Variants in PCDHA1 observed in about 807,000 individuals in gnomAD.
The protein encoded by PCDHA1 is protocadherin alpha 1.
Under a neutral mutation model 61.3 loss-of-function variants are expected in PCDHA1, and 42 were observed. That is an observed-to-expected ratio of 0.69 (90% confidence interval 0.54 to 0.89). The LOEUF (loss-of-function observed/expected upper bound fraction) is 0.89. Ranked by LOEUF, PCDHA1 falls within the 40% of genes least tolerant of loss-of-function variation. PCDHA1 has a pLI of 0.00. For missense variants in PCDHA1, 1,256 were observed against 1,235.3 expected, an observed-to-expected ratio of 1.02 and a Z score of -0.25; for synonymous variants, 610 against 553.8, an observed-to-expected ratio of 1.10 and a Z score of -1.43.
Position 141,009,656 on chromosome 5 carries a change from G to T in PCDHA1, c.2572G>T (p.Val858Phe). The T allele has an allele frequency of 6.2e-7, 1 of 1,614,000 alleles. No individual in the cohort carries two copies. The highest frequency in any genetic ancestry group is 8.5e-7 in the Non-Finnish European group (1 of 1,179,978). Residue 858 changes from valine (V) to phenylalanine (F), a missense_variant, in exon 4 of 4, where the codon GTC (valine) becomes TTC (phenylalanine). Physicochemically the swap from Val to Phe is conservative, Grantham distance 50. Coordinates refer to ENST00000504120, the MANE Select transcript of PCDHA1 (RefSeq NM_018900.4). The stretch of plus-strand genomic sequence containing the variant: ...AGAGGCAGGAGAAGTGTCCCCTCCA[G>T]TCGGTGCGGGTGTCAACAGCAACAG... Reference protein sequence around the residue: ...EPEAGEVSPPVGAGVNSNSWT... With the variant: ...EPEAGEVSPPFGAGVNSNSWT...
At chr5:140,907,430 T>G (rs1554192988) in intron 1 of PCDHA1, among the ~76,000 whole-genome samples, 1 of 152,244 alleles carries the variant, frequency 6.6e-6, no homozygotes, top group Non-Finnish European at 1.5e-5. Context: ...TAAGGCATTC[T>G]GTGAGTCCAC....
In PCDHA1 at chr5:140,820,166, G is replaced by C. The variant is rs183901333; in HGVS notation, c.2394+31482G>C. Among the ~76,000 whole-genome samples, 190 of 151,892 alleles carry C rather than the reference G, an allele frequency of 1.3e-3. 2 individuals are homozygous for C. Among genetic ancestry groups the C allele is most frequent in the Middle Eastern group, 6.9e-3 (2 of 290 alleles). On this transcript the variant is annotated intron_variant, in intron 1 of 3. Coordinates refer to ENST00000504120, the MANE Select transcript of PCDHA1 (RefSeq NM_018900.4). Reference sequence around the variant, plus strand: ...AAAATTATCAGTATGAAAACTATTAGGCAAATAGTCTGGGAAATTGATTTG... The same window carrying C: ...AAAATTATCAGTATGAAAACTATTACGCAAATAGTCTGGGAAATTGATTTG...
intron 1 of PCDHA1, chr5:140,861,384 C>G (rs1354784257): frequency 2.5e-5 from 11 of 437,330 alleles, no homozygotes; most frequent in African/African-American, 2.2e-4. Context: ...TGCGCAGGAC[C>G]TGGGTCTGGA....
At chr5:140,867,227 T>C (rs73793506) in intron 1 of PCDHA1, 1 of 152,106 alleles carries the variant, frequency 6.6e-6, no homozygotes, top group African/African-American at 2.4e-5. Context: ...CCAATTCCCA[T>C]AATAAGGTGA....
chr5:141,001,114 A>G (rs1456437716), intron 3 of PCDHA1, among the ~76,000 whole-genome samples: 4 of 152,062 alleles, frequency 2.6e-5, no homozygotes, highest in Non-Finnish European at 4.4e-5. Flanking sequence ...TAAGCAATCA[A>G]TAGTCCTTAA....
rs1312920640 is a variant in PCDHA1, at chr5:140,836,835, CT to C, written c.2394+48154del. ...TCATAATTTCTTTTTTAGTTGATAG[CT>C]TTATGTATAATTATTATTTTTTAAT... is the stretch of plus-strand genomic sequence containing the variant. On this transcript the variant is annotated intron_variant, in intron 1 of 3. Transcript: ENST00000504120. 2.4e-5 allele frequency: 21 copies of C among 878,886 alleles called. No individual in the cohort carries two copies. The African/African-American group carries it at 3.6e-4, about 15-fold the overall frequency. The allele number at this position is 878,886 out of a possible 1,614,324, so 54.4% of individuals were successfully genotyped here. A position where few individuals can be genotyped will look rare whatever the true frequency, so the allele number is the denominator to read the frequency against.
chr5:140,829,097 G>A, intron 1 of PCDHA1: 7 of 1,611,762 alleles, frequency 4.3e-6, no homozygotes, highest in Non-Finnish European at 5.9e-6. Context: ...TCATTGCACC[G>A]TTTTAGTGAG....
intron 1 of PCDHA1, chr5:140,855,866 C>T: frequency 2.5e-6 from 2 of 802,280 alleles, no homozygotes; most frequent in Middle Eastern, 2.5e-4. Flanking sequence ...TCGCTGTCGT[C>T]CACAAAATAG....
rs369562052 is a variant in PCDHA1, at chr5:140,877,058, A to G, written c.2394+88374A>G. On this transcript the variant is annotated intron_variant, in intron 1 of 3. Transcript: ENST00000504120. Reference sequence around the variant, plus strand: ...CAGCCGCTAGACCACGAGGAGCTGGAGCTGCTGCAGTTCCAGGTGAGCGCG... The same window carrying G: ...CAGCCGCTAGACCACGAGGAGCTGGGGCTGCTGCAGTTCCAGGTGAGCGCG... The G allele has an allele frequency of 1.9e-6, 3 of 1,612,726 alleles. No homozygotes were observed. The African/African-American group carries it at 4.0e-5, about 22-fold the overall frequency.
intron 1 of PCDHA1, among the ~76,000 whole-genome samples, chr5:140,955,006 C>G (rs1304080416): frequency 6.6e-6 from 1 of 152,154 alleles, no homozygotes; most frequent in African/African-American, 2.4e-5. Flanking sequence ...AGCCAATTCT[C>G]CCAGCACCAT....
intron 1 of PCDHA1, among the ~76,000 whole-genome samples, chr5:140,955,373 T>C (rs2338310): frequency 0.011 from 1,717 of 152,252 alleles, 30 homozygotes; most frequent in African/African-American, 0.038. Context: ...TGGGAGGTAA[T>C]TGAATCATGG....
At position 140,828,523 on chromosome 5, in the gene PCDHA1, A is replaced by G. The variant is rs2150156378; in HGVS notation, c.2394+39839A>G. 443 of 1,614,170 alleles carry G rather than the reference A, an allele frequency of 2.7e-4. 1 individual carries two copies. In the African/African-American group the frequency reaches 5.2e-3, roughly 19 times the overall value. ...AGGAACAAAGAGTGCTGATTTACGA[A>G]TCTAGGCTGCCAGATTCTGTGTTTC... On this transcript the variant is annotated intron_variant, in intron 1 of 3. Transcript: ENST00000504120.
intron 1 of PCDHA1, among the ~76,000 whole-genome samples, chr5:140,920,419 T>C (rs1282192714): frequency 6.6e-6 from 1 of 152,232 alleles, no homozygotes. Flanking sequence ...GATACAGCTG[T>C]TCTCCCACAC....
At chr5:140,872,661 TA>T (rs1211452464) in intron 1 of PCDHA1, among the ~76,000 whole-genome samples, 12 of 152,166 alleles carry the variant, frequency 7.9e-5, no homozygotes, top group African/African-American at 2.9e-4. Flanking sequence ...ATTTGTCAAC[TA>T]TTGGATACTC....
chr5:140,830,089 G>T, intron 1 of PCDHA1: 1 of 1,613,632 alleles, frequency 6.2e-7, no homozygotes, highest in African/African-American at 1.3e-5. Context: ...CCACGGTTCT[G>T]GTGTCGCTGG....
At chr5:140,858,234 C>A (rs782153266) in intron 1 of PCDHA1, 1 of 1,596,332 alleles carries the variant, frequency 6.3e-7, no homozygotes, top group South Asian at 1.1e-5. Context: ...ACCGAGGGCG[C>A]ATGTGGGCCG....
intron 1 of PCDHA1, among the ~76,000 whole-genome samples, chr5:140,819,327 A>G (rs1171636879): frequency 6.6e-6 from 1 of 152,180 alleles, no homozygotes; most frequent in Non-Finnish European, 1.5e-5. Flanking sequence ...TGTAAGGAAT[A>G]AAGGACATTT....
In PCDHA1 at chr5:140,850,163, G is replaced by A; in HGVS notation, c.2394+61479G>A. ...ACGTGACGCTGCAGGTGTTCGTGCTGGACGAGAACGACAATGCGCCGGCGC... is the reference window on the plus strand; with the variant it reads ...ACGTGACGCTGCAGGTGTTCGTGCTAGACGAGAACGACAATGCGCCGGCGC... On this transcript the variant is annotated intron_variant, in intron 1 of 3. Coordinates refer to ENST00000504120, the MANE Select transcript of PCDHA1 (RefSeq NM_018900.4). 14 of 1,594,908 alleles carry A rather than the reference G, an allele frequency of 8.8e-6. 2 individuals are homozygous for A. The highest frequency in any genetic ancestry group is 1.2e-5 in the Non-Finnish European group (14 of 1,167,784).
In PCDHA1 at chr5:140,808,939, G is replaced by C. The variant is rs1168359860; in HGVS notation, c.2394+20255G>C. The stretch of plus-strand genomic sequence containing the variant: ...CAGTGAGCGAGCTGGTGCCATGGTC[G>C]GTGGGTGTGGGCCACGTGGTGGCAA... On this transcript the variant is annotated intron_variant, in intron 1 of 3. Coordinates refer to ENST00000504120, the MANE Select transcript of PCDHA1 (RefSeq NM_018900.4). 8 of 1,613,726 alleles carry C rather than the reference G, an allele frequency of 5.0e-6. 1 individual carries two copies. In the South Asian group the frequency reaches 5.5e-5, roughly 11 times the overall value.
Sources: allele counts gnomAD v4.1 joint callset (sites outside exome capture counted in the v4.1 genomes callset), GRCh38; gene constraint gnomAD v4.1.1; transcripts MANE v1.5; gene names NCBI Gene and HGNC (gene_info 2026-07-23, HGNC 2026-07-21).